Variants in ZNF385B observed in about 807,000 individuals in gnomAD.
ZNF385B encodes the protein zinc finger protein 385B.
In ZNF385B, 23 loss-of-function variants were observed where a neutral mutation model predicts 39.2. The ratio of observed to expected loss-of-function variants is 0.59; its 90% confidence interval spans 0.42 to 0.83. ZNF385B has a LOEUF of 0.83. Among genes scored for constraint, ZNF385B ranks in the 40% least tolerant of loss-of-function variants. The probability of loss-of-function intolerance (pLI) is 0.00; values close to 1 mark genes in which losing one functional copy is unlikely to be tolerated. For synonymous variants in ZNF385B, 205 were observed against 222.6 expected (o/e 0.92, Z 0.70); for missense variants, 552 against 598.9 (o/e 0.92, Z 0.82).
At chr2:179,829,757 C>T (rs955551425) in intron 1 of ZNF385B, among the ~76,000 whole-genome samples, 8 of 152,198 alleles carry the variant, frequency 5.3e-5, no homozygotes, top group Non-Finnish European at 1.2e-4. Flanking sequence ...TCGTGATCTG[C>T]CCGCCTTGGC....
chr2:179,449,534 C>T (rs1026787496), intron 6 of ZNF385B, among the ~76,000 whole-genome samples: 2 of 152,072 alleles, frequency 1.3e-5, no homozygotes, highest in African/African-American at 2.4e-5. Flanking sequence ...CCTAGGAATC[C>T]AACTTACAAG....
intron 3 of ZNF385B, among the ~76,000 whole-genome samples, chr2:179,607,910 T>A (rs1221871274): frequency 2.5e-4 from 2 of 8,010 alleles, no homozygotes; most frequent in African/African-American, 4.0e-3. Flanking sequence ...CAGAAACTCT[T>A]TTTTTTTTTT....
intron 3 of ZNF385B, among the ~76,000 whole-genome samples, chr2:179,726,768 T>A (rs748566111): frequency 3.9e-5 from 6 of 152,208 alleles, no homozygotes; most frequent in South Asian, 2.1e-4. Flanking sequence ...ATAGTACTAT[T>A]ACTGCATTTG....
At chr2:179,676,602 G>T (rs1020179965) in intron 3 of ZNF385B, among the ~76,000 whole-genome samples, 2 of 146,002 alleles carry the variant, frequency 1.4e-5, no homozygotes, top group Admixed American at 1.3e-4. Context: ...GGAGAGCAGC[G>T]GGGGGACAGG....
chr2:179,447,978 CTTT>C (rs60384026), intron 6 of ZNF385B, among the ~76,000 whole-genome samples: 16 of 145,520 alleles, frequency 1.1e-4, no homozygotes, highest in Non-Finnish European at 1.4e-4. Flanking sequence ...GATTTCCATC[CTTT>C]TTTTTTTTTT....
intron 1 of ZNF385B, among the ~76,000 whole-genome samples, chr2:179,812,365 C>T (rs931959961): frequency 5.9e-5 from 9 of 152,108 alleles, no homozygotes; most frequent in African/African-American, 1.2e-4. Flanking sequence ...GCACTGTTCA[C>T]GATAGCAAAG....
intron 1 of ZNF385B, among the ~76,000 whole-genome samples, chr2:179,779,774 C>T (rs1337242145): frequency 1.3e-4 from 20 of 151,922 alleles, no homozygotes; most frequent in African/African-American, 7.3e-5. Flanking sequence ...GGTTCTAACC[C>T]GATTGGGTCT....
chr2:179,455,565 T>C (rs1354524041), intron 6 of ZNF385B, among the ~76,000 whole-genome samples: 1 of 152,136 alleles, frequency 6.6e-6, no homozygotes, highest in African/African-American at 2.4e-5. Flanking sequence ...CATGCTGAGC[T>C]GTGAATCAAA....
chr2:179,546,148 A>G (rs904120554), intron 3 of ZNF385B, among the ~76,000 whole-genome samples: 1 of 151,954 alleles, frequency 6.6e-6, no homozygotes, highest in Non-Finnish European at 1.5e-5. Flanking sequence ...TGAGCCCCCA[A>G]CTTCAGTCTT....
intron 3 of ZNF385B, among the ~76,000 whole-genome samples, chr2:179,613,623 T>C (rs561052317): frequency 6.6e-6 from 1 of 152,216 alleles, no homozygotes; most frequent in South Asian, 2.1e-4. Context: ...GTGGAGTTGG[T>C]GTCCAAGTTG....
intron 1 of ZNF385B, among the ~76,000 whole-genome samples, chr2:179,819,438 G>A (rs1201956780): frequency 6.6e-6 from 1 of 152,088 alleles, no homozygotes; most frequent in Non-Finnish European, 1.5e-5. Flanking sequence ...AGCACTTCCT[G>A]GGATGCCCCA....
At chr2:179,681,536 T>C (rs943532628) in intron 3 of ZNF385B, among the ~76,000 whole-genome samples, 1 of 152,166 alleles carries the variant, frequency 6.6e-6, no homozygotes, top group Non-Finnish European at 1.5e-5. Flanking sequence ...ATAAAATAAT[T>C]TAATGACTGT....
intron 1 of ZNF385B, among the ~76,000 whole-genome samples, chr2:179,807,213 G>C (rs1466416233): frequency 1.3e-5 from 2 of 152,158 alleles, no homozygotes; most frequent in South Asian, 2.1e-4. Context: ...TCACACAATG[G>C]AATGCTATTC....
intron 3 of ZNF385B, among the ~76,000 whole-genome samples, chr2:179,711,710 T>C (rs945743988): frequency 1.3e-5 from 2 of 151,984 alleles, no homozygotes; most frequent in African/African-American, 4.8e-5. Flanking sequence ...GGTTGCCAGG[T>C]AGAGGTTGCT....
At chr2:179,682,835 T>TTCACAGCTGAGA (rs1418310579) in intron 3 of ZNF385B, among the ~76,000 whole-genome samples, 26 of 152,158 alleles carry the variant, frequency 1.7e-4, no homozygotes, top group African/African-American at 6.3e-4. Context: ...GTCTCTGAAC[T>TTCACAGCTGAGA]TCACAGCTGA....
At chr2:179,833,869 T>C (rs1575573432) in intron 1 of ZNF385B, among the ~76,000 whole-genome samples, 1 of 152,188 alleles carries the variant, frequency 6.6e-6, no homozygotes, top group African/African-American at 2.4e-5. Flanking sequence ...TATGACTTTA[T>C]ATCATCAATG....
At chr2:179,576,264 G>A (rs1434782451) in intron 3 of ZNF385B, 4 of 821,864 alleles carry the variant, frequency 4.9e-6, no homozygotes, top group South Asian at 5.5e-5. Flanking sequence ...CCAGATCAAC[G>A]TATCTAAAAA....
chr2:179,593,502 A>G (rs190463732), intron 3 of ZNF385B, among the ~76,000 whole-genome samples: 1 of 152,312 alleles, frequency 6.6e-6, no homozygotes, highest in Admixed American at 6.5e-5. Flanking sequence ...CATTTATTAT[A>G]CATGTACAAG....
chr2:179,787,748 AG>A (rs1257742036), intron 1 of ZNF385B, among the ~76,000 whole-genome samples: 1 of 152,158 alleles, frequency 6.6e-6, no homozygotes, highest in Non-Finnish European at 1.5e-5. Context: ...TTTCCATTCT[AG>A]GGCTCTGACT....
Sources: gnomAD v4.1 joint callset for allele counts (sites outside exome capture counted in the v4.1 genomes callset) on GRCh38, gnomAD v4.1.1 for gene constraint, MANE v1.5 for transcripts, NCBI Gene and HGNC (gene_info 2026-07-23, HGNC 2026-07-21) for gene names.